LPIN1: variants seen among roughly 807,000 people sequenced by gnomAD.
The protein encoded by LPIN1 is lipin 1, also known as phosphatidate phosphatase LPIN1.
LPIN1 carries 71 observed loss-of-function variants against 107.5 expected under a neutral mutation model. That is an observed-to-expected ratio of 0.66 (90% CI 0.55 to 0.80). The LOEUF (loss-of-function observed/expected upper bound fraction) is 0.80, where lower values mean the gene tolerates loss of function less well. Ranked by LOEUF, LPIN1 falls within the 30% of genes least tolerant of loss-of-function variation. The pLI, the probability that LPIN1 is intolerant of heterozygous loss-of-function variation, is 0.00. For missense variants in LPIN1, 1,043 were observed against 1,160.6 expected, an observed-to-expected ratio of 0.90 and a Z score of 1.47; for synonymous variants, 445 against 452.6, an observed-to-expected ratio of 0.98 and a Z score of 0.21.
chr2:11,795,332 C>A, intron 13 of LPIN1, 76 bp from the exon 14 acceptor site: 1 of 1,221,130 alleles, frequency 8.2e-7, no homozygotes, highest in Non-Finnish European at 1.2e-6. Context: ...TTAAGGAAGC[C>A]CATGGGAAAA....
chr2:11,767,573 G>A (rs758225523), intron 2 of LPIN1, 190 bp from the exon 3 acceptor site: 10 of 626,930 alleles, frequency 1.6e-5, no homozygotes, highest in African/African-American at 3.7e-5. Context: ...CTGCCCTCCC[G>A]AACCCAGAAC....
chr2:11,802,896 G>A lies in LPIN1; in HGVS notation c.1887-11G>A. 2 of 1,612,662 alleles carry A rather than the reference G, an allele frequency of 1.2e-6. No homozygotes were observed. The highest frequency in any genetic ancestry group is 8.5e-7 in the Non-Finnish European group (1 of 1,179,988). On this transcript the variant is annotated splice_polypyrimidine_tract_variant and intron_variant, in intron 14 of 20. Coordinates refer to ENST00000674199, the MANE Select transcript of LPIN1 (RefSeq NM_001349206.2). ...TTTTCTAATTGGTGATGACATCACT[G>A]TGTGTTCCAGGGTAAAGCATGAATC...
intron 13 of LPIN1, among the ~76,000 whole-genome samples, chr2:11,792,934 G>C (rs992352981): frequency 1.3e-5 from 2 of 152,126 alleles, no homozygotes; most frequent in African/African-American, 4.8e-5. Context: ...GTCACCTCTA[G>C]GAGGGTCCTC....
At chr2:11,721,203 G>A, upstream of LPIN1, among the ~76,000 whole-genome samples, 1 of 151,862 alleles carries the variant, frequency 6.6e-6, no homozygotes, top group Admixed American at 6.6e-5. Context: ...TATCCCTTGA[G>A]ATGAATAGAG....
In LPIN1 at chr2:11,810,448, A is replaced by C. The variant is rs192767177; in HGVS notation, c.2250-4640A>C. Among the ~76,000 whole-genome samples, 351 of 152,300 alleles carry C rather than the reference A, an allele frequency of 2.3e-3. 2 individuals carry two copies. Among genetic ancestry groups the C allele is most frequent in the Non-Finnish European group, 3.9e-3 (262 of 68,020 alleles). On this transcript the variant is annotated intron_variant, in intron 17 of 20. Coordinates refer to ENST00000674199, the MANE Select transcript of LPIN1 (RefSeq NM_001349206.2). ...CTCACTGAAAGGGAGACTCCGGTGC[A>C]GACGGTGGGGTGGGTAAAAGATGAA... is the stretch of plus-strand genomic sequence containing the variant.
chr2:11,723,140 A>G (rs1164436110), upstream of LPIN1, among the ~76,000 whole-genome samples: 1 of 152,246 alleles, frequency 6.6e-6, no homozygotes, highest in Non-Finnish European at 1.5e-5. Flanking sequence ...AGCACTGTTC[A>G]AACTGGGGAG....
chr2:11,762,847 C>T (rs1670058984), intron 1 of LPIN1, among the ~76,000 whole-genome samples: 2 of 152,188 alleles, frequency 1.3e-5, no homozygotes, highest in South Asian at 2.1e-4. Context: ...CACAGGTTCA[C>T]ACACGTGGTG....
At position 11,724,738 on chromosome 2, in the gene LPIN1, G is replaced by A; in HGVS notation, c.-72+199G>A. The A allele has an allele frequency of 8.6e-6, 6 of 698,756 alleles. 1 individual carries two copies. The highest frequency in any genetic ancestry group is 1.1e-5 in the Non-Finnish European group (6 of 568,204). 43.3% of individuals were successfully genotyped at this position (698,756 alleles called of 1,614,324 possible). A position where few individuals can be genotyped will look rare whatever the true frequency, so the allele number is the denominator to read the frequency against. The stretch of plus-strand genomic sequence containing the variant: ...TCCCCCATCGGGCTTCTCAGGCCCT[G>A]GCTTGCTGAAGGGGGCAGTGACTGG... On this transcript the variant is annotated intron_variant, in intron 1 of 21. Coordinates refer to the LPIN1 transcript ENST00000396097.
intron 1 of LPIN1, among the ~76,000 whole-genome samples, chr2:11,691,332 G>T (rs960177856): frequency 6.6e-6 from 1 of 152,182 alleles, no homozygotes; most frequent in East Asian, 1.9e-4. Context: ...CTGCTTGAAA[G>T]GTTGGGTCAC....
chr2:11,677,591 G>A, upstream of LPIN1: 2 of 1,305,498 alleles, frequency 1.5e-6, no homozygotes, highest in Non-Finnish European at 2.1e-6. Flanking sequence ...TGTTGCCGGG[G>A]GACATTTCTC....
chr2:11,688,505 C>T (rs538438181), intron 1 of LPIN1, among the ~76,000 whole-genome samples: 1 of 152,154 alleles, frequency 6.6e-6, no homozygotes, highest in Non-Finnish European at 1.5e-5. Flanking sequence ...TCAGGCCCCG[C>T]CTGTTCCTCA....
At chr2:11,762,515 C>A (rs766474408) in intron 1 of LPIN1, among the ~76,000 whole-genome samples, 17 of 152,052 alleles carry the variant, frequency 1.1e-4, no homozygotes, top group Non-Finnish European at 1.9e-4. Context: ...TGGTCCAGCC[C>A]CCATCCTCCG....
rs73915567 is a variant in LPIN1, at chr2:11,786,568, C to A, written c.1550-506C>A. Among the ~76,000 whole-genome samples, 1 of 152,092 alleles carries A rather than the reference C, an allele frequency of 6.6e-6. No homozygotes were observed. Among genetic ancestry groups the A allele is most frequent in the Admixed American group, 6.5e-5 (1 of 15,276 alleles). On this transcript the variant is annotated intron_variant, in intron 10 of 20. Transcript: ENST00000674199. This position sits in a 1 kb window ranked among gnomAD's most constrained non-coding sequence, Gnocchi z 4.1. ...CTTCTGATTGTGGTGGAGGCAGCCC[C>A]ATTTTTGAAAGGGCCCTGTGCTTTC...
intron 11 of LPIN1, among the ~76,000 whole-genome samples, chr2:11,787,933 T>A (rs375747333): frequency 6.8e-6 from 1 of 146,136 alleles, no homozygotes; most frequent in South Asian, 2.1e-4. Context: ...AGAGCAAGAC[T>A]CTGTCTCAAA....
chr2:11,717,474 A>G (rs1348212137), intron 2 of LPIN1, among the ~76,000 whole-genome samples: 1 of 152,030 alleles, frequency 6.6e-6, no homozygotes. Context: ...TAGAAGAAAT[A>G]CCACTACCTG....
chr2:11,809,574 G>A (rs1169379524), intron 17 of LPIN1, among the ~76,000 whole-genome samples: 1 of 152,110 alleles, frequency 6.6e-6, no homozygotes, highest in Non-Finnish European at 1.5e-5. Context: ...GTGCCACCAC[G>A]CCCGGGTAAT....
chr2:11,704,578 G>A (rs1663036523), intron 1 of LPIN1, among the ~76,000 whole-genome samples: 1 of 152,152 alleles, frequency 6.6e-6, no homozygotes, highest in Non-Finnish European at 1.5e-5. Flanking sequence ...CTTCTATGTG[G>A]AGTGTCCATG....
intron 2 of LPIN1, among the ~76,000 whole-genome samples, chr2:11,715,390 A>G (rs542627403): frequency 5.0e-4 from 76 of 152,312 alleles, no homozygotes; most frequent in African/African-American, 1.8e-3. Context: ...GGGAGGCGCC[A>G]AGCAGGAGGC....
At chr2:11,759,975 C>G (rs1283462049) in intron 1 of LPIN1, among the ~76,000 whole-genome samples, 1 of 125,032 alleles carries the variant, frequency 8.0e-6, no homozygotes, top group African/African-American at 2.9e-5. Context: ...GGGTGGCTGC[C>G]GGGCGGAGGG....
Sources: allele counts gnomAD v4.1 joint callset (sites outside exome capture counted in the v4.1 genomes callset), GRCh38; gene constraint gnomAD v4.1.1; non-coding constraint Gnocchi (gnomAD v3.1); transcripts MANE v1.5; gene names NCBI Gene and HGNC (gene_info 2026-07-23, HGNC 2026-07-21).